Variants in LNX1 observed in about 807,000 individuals in gnomAD.
LNX1 encodes the protein ligand of numb-protein X 1.
Under a neutral mutation model 68.4 loss-of-function variants are expected in LNX1, and 54 were observed. The observed-to-expected ratio is 0.79, with a 90% CI of 0.63 to 0.99. The LOEUF (loss-of-function observed/expected upper bound fraction) is 0.99, where lower values mean the gene tolerates loss of function less well. Among genes scored for constraint, LNX1 ranks in the 50% least tolerant of loss-of-function variants. The probability of loss-of-function intolerance (pLI) is 0.00; values close to 1 mark genes in which losing one functional copy is unlikely to be tolerated. For synonymous variants in LNX1, 336 were observed against 350.0 expected, an observed-to-expected ratio of 0.96 and a Z score of 0.45; for missense variants, 906 against 926.4, an observed-to-expected ratio of 0.98 and a Z score of 0.29.
intron 1 of LNX1, among the ~76,000 whole-genome samples, chr4:53,586,246 T>G (rs548234210): frequency 6.6e-6 from 1 of 152,104 alleles, no homozygotes; most frequent in African/African-American, 2.4e-5. Flanking sequence ...ACATGGTGAC[T>G]CATGTATTCA....
chr4:53,460,347 G>GTGA lies in LNX1; in HGVS notation c.*557_*559dup, dbSNP rs1454097646. The GTGA allele has an allele frequency of 3.2e-5, 6 of 189,016 alleles. No homozygotes were observed. The highest frequency in any genetic ancestry group is 1.2e-4 in the African/African-American group (5 of 42,110). 11.7% of individuals were successfully genotyped at this position (189,016 alleles called of 1,614,324 possible). A position where few individuals can be genotyped will look rare whatever the true frequency, so the allele number is the denominator to read the frequency against. On this transcript the variant is annotated 3_prime_UTR_variant, in exon 11 of 11. Coordinates refer to ENST00000263925, the MANE Select transcript of LNX1 (RefSeq NM_001126328.3). ...GGATAAGCCTAGGAGGTATTCATCG[G>GTGA]TGATGGTAACAAATAACATGGTATT...
intron 4 of LNX1, among the ~76,000 whole-genome samples, chr4:53,506,327 A>C (rs1436922202): frequency 6.6e-6 from 1 of 152,208 alleles, no homozygotes; most frequent in African/African-American, 2.4e-5. Flanking sequence ...GAAAGAGCTC[A>C]ATTTTTTAAA....
chr4:53,546,019 C>G (rs1286140897), intron 2 of LNX1, among the ~76,000 whole-genome samples: 1 of 151,966 alleles, frequency 6.6e-6, no homozygotes, highest in Non-Finnish European at 1.5e-5. Context: ...GTTGGCCAGG[C>G]TGGTCTCAAA....
chr4:53,609,634 AATT>A (rs1192888060), intron 2 of LNX1, among the ~76,000 whole-genome samples: 3 of 145,546 alleles, frequency 2.1e-5, no homozygotes, highest in African/African-American at 7.5e-5. Flanking sequence ...TAGTATATAT[AATT>A]ATACTATTTA....
At chr4:53,498,008 T>C (rs1358152519) in intron 5 of LNX1, among the ~76,000 whole-genome samples, 2 of 152,190 alleles carry the variant, frequency 1.3e-5, no homozygotes, top group African/African-American at 4.8e-5. Flanking sequence ...CAGATCTTTT[T>C]ATCCTTTCTG....
chr4:53,582,299 A>G (rs1464173437), intron 1 of LNX1, among the ~76,000 whole-genome samples: 1 of 152,212 alleles, frequency 6.6e-6, no homozygotes, highest in African/African-American at 2.4e-5. Flanking sequence ...CTTGACAGAG[A>G]CACACAGGTG....
intron 6 of LNX1, among the ~76,000 whole-genome samples, chr4:53,483,850 G>C (rs986353536): frequency 1.3e-5 from 2 of 152,192 alleles, no homozygotes; most frequent in Non-Finnish European, 2.9e-5. Context: ...TCAGACAATG[G>C]TGGTGGAGAT....
chr4:53,628,295 G>A (rs1346676061), intron 1 of LNX1, among the ~76,000 whole-genome samples: 1 of 152,018 alleles, frequency 6.6e-6, no homozygotes, highest in Non-Finnish European at 1.5e-5. Context: ...AAACATATTA[G>A]CAATACAAAA....
intron 2 of LNX1, among the ~76,000 whole-genome samples, chr4:53,529,472 C>T (rs1156497262): frequency 1.3e-5 from 2 of 152,182 alleles, no homozygotes; most frequent in Non-Finnish European, 2.9e-5. Flanking sequence ...TCTACATTCA[C>T]ATAAGACTGC....
chr4:53,487,481 TA>T (rs1168700000), intron 6 of LNX1, among the ~76,000 whole-genome samples: 2 of 152,336 alleles, frequency 1.3e-5, no homozygotes, highest in African/African-American at 4.8e-5. Flanking sequence ...ATCAGTTTTA[TA>T]AAGTTTCAAG....
At chr4:53,471,087 A>G (rs1723138085) in intron 9 of LNX1, among the ~76,000 whole-genome samples, 1 of 102,444 alleles carries the variant, frequency 9.8e-6, no homozygotes, top group African/African-American at 3.6e-5. Context: ...CTGACTTCAA[A>G]CTATACTACA....
At chr4:53,564,025 C>T (rs1341322136) in intron 2 of LNX1, among the ~76,000 whole-genome samples, 1 of 152,226 alleles carries the variant, frequency 6.6e-6, no homozygotes, top group East Asian at 1.9e-4. Context: ...GATGTGGGGG[C>T]ATCCTCTCCA....
chr4:53,557,875 G>A lies in LNX1; in HGVS notation c.380+15748C>T. 4 of 1,613,244 alleles carry A rather than the reference G, an allele frequency of 2.5e-6. No homozygotes were observed. The South Asian group carries it at 4.4e-5, about 18-fold the overall frequency. Reference sequence around the variant, plus strand: ...GGCACGGACAGAGAGGGGACTCACAGTTCTGAATACAGGAAGTGCAGGTTG... The same window carrying A: ...GGCACGGACAGAGAGGGGACTCACAATTCTGAATACAGGAAGTGCAGGTTG... On this transcript the variant is annotated intron_variant, in intron 2 of 10. Transcript: ENST00000263925.
rs1721625034 is a variant in LNX1 at position 53,460,202 on chromosome 4, C to G, written c.*705G>C. On this transcript the variant is annotated 3_prime_UTR_variant, in exon 11 of 11. Transcript: ENST00000263925. ...TTCTTGATGCATTTTCCAAGGCCCA[C>G]TGGTGGAGCAGCATGAGTTTTTATA... is the stretch of plus-strand genomic sequence containing the variant. 1 of 195,894 alleles carries G rather than the reference C, an allele frequency of 5.1e-6. No individual in the cohort carries two copies. Among genetic ancestry groups the G allele is most frequent in the Non-Finnish European group, 1.1e-5 (1 of 94,418 alleles). 12.1% of individuals were successfully genotyped at this position (195,894 alleles called of 1,614,324 possible).
chr4:53,506,302 C>T (rs1039313885), intron 4 of LNX1, among the ~76,000 whole-genome samples: 1 of 152,198 alleles, frequency 6.6e-6, no homozygotes, highest in Non-Finnish European at 1.5e-5. Flanking sequence ...TGACTTAAAA[C>T]ACTATGTGCA....
chr4:53,646,209 G>A (rs755116092), intron 1 of LNX1, among the ~76,000 whole-genome samples: 1 of 152,012 alleles, frequency 6.6e-6, no homozygotes, highest in African/African-American at 2.4e-5. Flanking sequence ...TATTTCCCAT[G>A]ATTTTATGGC....
At chr4:53,470,151 G>C (rs1387070999) in intron 9 of LNX1, among the ~76,000 whole-genome samples, 12 of 152,206 alleles carry the variant, frequency 7.9e-5, no homozygotes, top group Admixed American at 5.9e-4. Flanking sequence ...CCATGATCAA[G>C]TGGGCTTCAT....
chr4:53,565,536 C>T (rs1165581971), intron 2 of LNX1, among the ~76,000 whole-genome samples: 1 of 151,482 alleles, frequency 6.6e-6, no homozygotes, highest in Non-Finnish European at 1.5e-5. Flanking sequence ...GATAAAACCA[C>T]AAAGATGGGG....
intron 6 of LNX1, among the ~76,000 whole-genome samples, chr4:53,494,210 A>T (rs547902227): frequency 4.6e-5 from 7 of 152,112 alleles, no homozygotes; most frequent in Non-Finnish European, 7.4e-5. Flanking sequence ...GTCTCACAAG[A>T]TCCAATGGTT....
Sources: allele counts gnomAD v4.1 joint callset (sites outside exome capture counted in the v4.1 genomes callset), GRCh38; gene constraint gnomAD v4.1.1; transcripts MANE v1.5; gene names NCBI Gene and HGNC (gene_info 2026-07-23, HGNC 2026-07-21).